CNOT10: variants seen among roughly 807,000 people sequenced by gnomAD.
CNOT10 encodes CCR4-NOT transcription complex subunit 10.
CNOT10 carries 30 observed loss-of-function variants against 94.6 expected under a neutral mutation model. The ratio of observed to expected loss-of-function variants is 0.32; its 90% confidence interval spans 0.24 to 0.43. CNOT10 has a LOEUF of 0.43. Among genes scored for constraint, CNOT10 ranks in the 20% least tolerant of loss-of-function variants. The pLI is 1.00. For missense variants in CNOT10, 759 were observed against 877.2 expected (o/e 0.87, Z 1.70); for synonymous variants, 289 against 301.6 (o/e 0.96, Z 0.43).
chr3:32,702,124 C>T (rs546013721), intron 1 of CNOT10, among the ~76,000 whole-genome samples: 5 of 142,294 alleles, frequency 3.5e-5, no homozygotes, highest in African/African-American at 1.3e-4. Context: ...TCAAGACAGT[C>T]TCACTCTGTC....
chr3:32,764,767 C>T lies in CNOT10; in HGVS notation c.1962C>T (p.Cys654=). ...TGTTCAACCTTGGCAGCGCTTACTG[C>T]CTGAGGAGCGAATATGACAAAGCCC... ...VMLFNLGSAY[C]LRSEYDKARK... Residue 654 remains cysteine (C), a synonymous_variant, in exon 17 of 19, where the codon TGC becomes TGT. Transcript: ENST00000328834. 1.2e-6 allele frequency: 2 copies of T among 1,614,156 alleles called. No homozygotes were observed. Among genetic ancestry groups the T allele is most frequent in the Non-Finnish European group, 1.7e-6 (2 of 1,180,026 alleles).
rs145579878 is a variant in CNOT10, at chr3:32,738,003, A to G, written c.1595+513A>G. Among the ~76,000 whole-genome samples the G allele has an allele frequency of 4.1e-4, 62 of 152,248 alleles. 3 individuals carry two copies. The East Asian group carries it at 0.012, about 29-fold the overall frequency. ...AAGTGCTTCTATATCCGTGAGGAAG[A>G]TTGGTCCATACTTTTCTTTCCTAGA... On this transcript the variant is annotated intron_variant, in intron 13 of 18. Transcript: ENST00000328834.
intron 1 of CNOT10, among the ~76,000 whole-genome samples, chr3:32,694,755 A>G (rs1351897943): frequency 6.6e-6 from 1 of 151,920 alleles, no homozygotes; most frequent in Non-Finnish European, 1.5e-5. Flanking sequence ...ACGCCCAGCT[A>G]ATTTTTGTAT....
intron 13 of CNOT10, chr3:32,753,956 G>A (rs1700080792): frequency 2.4e-6 from 2 of 832,340 alleles, no homozygotes; most frequent in East Asian, 2.7e-5. Context: ...AATTAGCTGG[G>A]CATGGAGGTG....
intron 8 of CNOT10, among the ~76,000 whole-genome samples, chr3:32,722,124 G>C (rs909756102): frequency 6.6e-6 from 1 of 152,170 alleles, no homozygotes; most frequent in Admixed American, 6.5e-5. Flanking sequence ...TATTGAAAAT[G>C]TATATTTTGC....
At chr3:32,754,471 C>T (rs1417408960) in intron 13 of CNOT10, among the ~76,000 whole-genome samples, 3 of 22,798 alleles carry the variant, frequency 1.3e-4, no homozygotes, top group South Asian at 3.1e-3. Context: ...AGCAAGACTC[C>T]GTCTCAAAAA....
At chr3:32,708,845 TTTCCCTATC>T in intron 4 of CNOT10, 25 bp downstream of exon 4, 2 of 1,589,836 alleles carry the variant, frequency 1.3e-6, no homozygotes, top group Non-Finnish European at 1.7e-6. Context: ...AAGTCAAAAA[TTTCCCTATC>T]TTCCCTATAC....
At chr3:32,741,702 G>A (rs1214298642) in intron 13 of CNOT10, among the ~76,000 whole-genome samples, 1 of 150,906 alleles carries the variant, frequency 6.6e-6, no homozygotes, top group Non-Finnish European at 1.5e-5. Flanking sequence ...CCAGGAGGCA[G>A]AGGTTGTGGT....
At chr3:32,727,963 C>T (rs1445438964) in intron 10 of CNOT10, 93 bp downstream of exon 10, 4 of 803,904 alleles carry the variant, frequency 5.0e-6, no homozygotes, top group African/African-American at 1.9e-5. Context: ...TGGAAACATA[C>T]ATAAGACATT....
At chr3:32,757,021 G>A (rs1700249598) in intron 13 of CNOT10, among the ~76,000 whole-genome samples, 1 of 150,330 alleles carries the variant, frequency 6.7e-6, no homozygotes, top group East Asian at 2.0e-4. Flanking sequence ...CAGGAGAATA[G>A]CTTGAACCGA....
chr3:32,724,387 A>T (rs555542083), intron 8 of CNOT10, among the ~76,000 whole-genome samples: 46 of 150,398 alleles, frequency 3.1e-4, no homozygotes, highest in Non-Finnish European at 5.5e-4. Flanking sequence ...CTGGGATTAC[A>T]GGCGCCCTCC....
chr3:32,701,714 T>C (rs759378800), intron 1 of CNOT10, among the ~76,000 whole-genome samples: 9 of 152,336 alleles, frequency 5.9e-5, no homozygotes, highest in South Asian at 4.1e-4. Flanking sequence ...ACTCCCTATA[T>C]GTGCTTTCTG....
intron 1 of CNOT10, among the ~76,000 whole-genome samples, chr3:32,692,422 A>G (rs1559474335): frequency 6.6e-6 from 1 of 152,120 alleles, no homozygotes; most frequent in Non-Finnish European, 1.5e-5. Flanking sequence ...CTTAAACTCT[A>G]ACTTATTTCT....
chr3:32,725,289 T>A (rs1430799181), intron 8 of CNOT10, among the ~76,000 whole-genome samples, 161 bp from the exon 9 acceptor site: 1 of 152,186 alleles, frequency 6.6e-6, no homozygotes, highest in Non-Finnish European at 1.5e-5. Context: ...GTTTTAAAAT[T>A]TTTCAGATAT....
rs752732319 is a variant in CNOT10 at position 32,754,518 on chromosome 3, CTT to C, written c.1596-4922_1596-4921del. On this transcript the variant is annotated intron_variant, in intron 13 of 18. Transcript: ENST00000328834. Reference sequence around the variant, plus strand: ...CATATATATATATATATTTATTTTACTTTTTTTTTTTTTTTTTTTGAGACGGA... The same window carrying C: ...CATATATATATATATATTTATTTTACTTTTTTTTTTTTTTTTTGAGACGGA... Among the ~76,000 whole-genome samples, 113 of 62,004 alleles carry C rather than the reference CTT, an allele frequency of 1.8e-3. 2 individuals are homozygous for C. Among genetic ancestry groups the C allele is most frequent in the African/African-American group, 0.01 (110 of 10,894 alleles). The allele number at this position is 62,004 out of a possible 152,430, so 40.7% of individuals were successfully genotyped here.
chr3:32,742,258 T>G (rs1177751178), intron 13 of CNOT10, among the ~76,000 whole-genome samples: 1 of 152,136 alleles, frequency 6.6e-6, no homozygotes, highest in African/African-American at 2.4e-5. Context: ...ATAGGCACTT[T>G]TTACTTTACT....
chr3:32,726,578 C>G lies in CNOT10; in HGVS notation c.1012+979C>G, dbSNP rs547558930. Among the ~76,000 whole-genome samples, 23 of 151,374 alleles carry G rather than the reference C, an allele frequency of 1.5e-4. 1 individual carries two copies. In the South Asian group the frequency reaches 4.6e-3, roughly 30 times the overall value. ...GAGCATGGTGGCAGGCGCCTGTAGC[C>G]CCAGCTACTTGGGAGACAGAAGCAG... On this transcript the variant is annotated intron_variant, in intron 9 of 18. Transcript: ENST00000328834.
chr3:32,762,227 G>A (rs2125636167), intron 14 of CNOT10, among the ~76,000 whole-genome samples: 1 of 148,052 alleles, frequency 6.8e-6, no homozygotes, highest in East Asian at 2.1e-4. Flanking sequence ...ACTTTGGGAG[G>A]CCAAGACGGG....
At chr3:32,721,647 C>CTT (rs746767255) in intron 8 of CNOT10, among the ~76,000 whole-genome samples, 28 of 131,596 alleles carry the variant, frequency 2.1e-4, no homozygotes, top group African/African-American at 5.0e-4. Context: ...ATTACATATT[C>CTT]TTTTTTTTTT....
Sources: allele counts gnomAD v4.1 joint callset (sites outside exome capture counted in the v4.1 genomes callset), GRCh38; gene constraint gnomAD v4.1.1; transcripts MANE v1.5; gene names NCBI Gene and HGNC (gene_info 2026-07-23, HGNC 2026-07-21).